MRPS28: variants seen among roughly 807,000 people sequenced by gnomAD.
The protein encoded by MRPS28 is mitochondrial ribosomal protein S28.
MRPS28 carries 7 observed loss-of-function variants against 10.8 expected under a neutral mutation model. The ratio of observed to expected loss-of-function variants is 0.65; its 90% CI spans 0.37 to 1.22. The LOEUF is 1.22. Ranked by LOEUF, MRPS28 falls within the 50% of genes most tolerant of loss-of-function variation. The pLI is 0.02. For missense variants in MRPS28, 265 were observed against 232.9 expected (o/e 1.14, Z -0.90); for synonymous variants, 121 against 93.3 (o/e 1.30, Z -1.71).
At chr8:80,015,212 T>C (rs750177369) in intron 1 of MRPS28, among the ~76,000 whole-genome samples, 1 of 152,228 alleles carries the variant, frequency 6.6e-6, no homozygotes, top group East Asian at 1.9e-4. Flanking sequence ...GACGGCAAGT[T>C]CTGTGGGGAA....
rs1334438942 is a variant in MRPS28, at chr8:79,919,140, T to C, written c.404A>G (p.Gln135Arg). The part of the protein sequence containing the change: ...RRPEVDGEKY[Q>R]KGTRVRLRLL... ...CCGCAACCGGACCCTGGTTCCTTTC[T>C]GGTATTTCCTAAATAGTTAAAAAAA... Residue 135 changes from glutamine (Q) to arginine (R), a missense_variant, in exon 3 of 3, where the codon CAG (glutamine) becomes CGG (arginine). By Grantham distance (43) the Gln-to-Arg change is conservative. Coordinates refer to ENST00000276585, the MANE Select transcript of MRPS28 (RefSeq NM_014018.3). 6.3e-7 allele frequency: 1 copy of C among 1,579,510 alleles called. No homozygotes were observed. The highest frequency in any genetic ancestry group is 8.5e-7 in the Non-Finnish European group (1 of 1,169,736).
At chr8:80,016,472 AAGG>A (rs575720582) in intron 1 of MRPS28, among the ~76,000 whole-genome samples, 7 of 152,090 alleles carry the variant, frequency 4.6e-5, no homozygotes, top group Non-Finnish European at 8.8e-5. Context: ...TTCAAAAATG[AAGG>A]AGAATTAAAG....
At chr8:79,923,091 G>T (rs1173813127) in intron 2 of MRPS28, among the ~76,000 whole-genome samples, 1 of 152,046 alleles carries the variant, frequency 6.6e-6, no homozygotes, top group Non-Finnish European at 1.5e-5. Flanking sequence ...AAATGATGAA[G>T]TCAGTCACAT....
intron 1 of MRPS28, among the ~76,000 whole-genome samples, chr8:80,021,400 T>G (rs1418449104): frequency 6.6e-6 from 1 of 152,198 alleles, no homozygotes; most frequent in African/African-American, 2.4e-5. Flanking sequence ...AATAGTGGTA[T>G]ATCGTGGGAG....
intron 2 of MRPS28, among the ~76,000 whole-genome samples, chr8:79,980,771 T>C (rs1039257556): frequency 2.0e-5 from 3 of 152,224 alleles, no homozygotes; most frequent in Non-Finnish European, 4.4e-5. Flanking sequence ...TTAAAAATTA[T>C]TTTCTCCAAA....
intron 2 of MRPS28, among the ~76,000 whole-genome samples, chr8:79,926,372 T>A (rs566854674): frequency 2.2e-4 from 33 of 152,328 alleles, no homozygotes; most frequent in African/African-American, 7.7e-4. Flanking sequence ...GTACAAGAAA[T>A]CTACCTTTTC....
At chr8:80,011,002 A>G (rs1475340877) in intron 1 of MRPS28, among the ~76,000 whole-genome samples, 1 of 152,244 alleles carries the variant, frequency 6.6e-6, no homozygotes, top group Non-Finnish European at 1.5e-5. Flanking sequence ...AAGCACTTTG[A>G]AAATAGTTCT....
At chr8:79,919,894 C>G (rs1351637529) in intron 2 of MRPS28, among the ~76,000 whole-genome samples, 1 of 151,480 alleles carries the variant, frequency 6.6e-6, no homozygotes, top group East Asian at 1.9e-4. Flanking sequence ...GTGTGCTGCA[C>G]CCATTAACTC....
At chr8:79,986,595 A>G (rs1425471301) in intron 2 of MRPS28, among the ~76,000 whole-genome samples, 3 of 152,218 alleles carry the variant, frequency 2.0e-5, no homozygotes, top group Non-Finnish European at 4.4e-5. Flanking sequence ...TACAAAATCA[A>G]TGTGCAAAAA....
At chr8:80,004,684 C>A (rs567241106) in intron 1 of MRPS28, among the ~76,000 whole-genome samples, 1 of 152,282 alleles carries the variant, frequency 6.6e-6, no homozygotes, top group Non-Finnish European at 1.5e-5. Context: ...GATCAAACTT[C>A]TCTAAGCTAA....
At chr8:79,989,714 G>C (rs1278720871) in intron 2 of MRPS28, among the ~76,000 whole-genome samples, 1 of 152,068 alleles carries the variant, frequency 6.6e-6, no homozygotes, top group African/African-American at 2.4e-5. Context: ...ATTTTGTTTT[G>C]TTTTGTTTTG....
chr8:79,938,090 T>C (rs1397925104), intron 2 of MRPS28, among the ~76,000 whole-genome samples: 1 of 152,164 alleles, frequency 6.6e-6, no homozygotes, highest in Non-Finnish European at 1.5e-5. Flanking sequence ...GTAAACTCAG[T>C]ATGTGAAGAC....
intron 2 of MRPS28, among the ~76,000 whole-genome samples, chr8:79,930,640 T>C (rs1341151791): frequency 6.6e-6 from 1 of 152,192 alleles, no homozygotes; most frequent in Non-Finnish European, 1.5e-5. Context: ...AATGTGTTAC[T>C]TAGAATGTTC....
intron 2 of MRPS28, among the ~76,000 whole-genome samples, chr8:79,974,711 G>A (rs1283453321): frequency 6.6e-6 from 1 of 151,942 alleles, no homozygotes; most frequent in Non-Finnish European, 1.5e-5. Flanking sequence ...AGTTTTTCAA[G>A]GATAAAGCTC....
In MRPS28 at chr8:80,011,134, T is replaced by A. The variant is rs6985342; in HGVS notation, c.214-7954A>T. On this transcript the variant is annotated intron_variant, in intron 1 of 2. Coordinates refer to ENST00000276585, the MANE Select transcript of MRPS28 (RefSeq NM_014018.3). ...AGCCATTCTTTTTTTTTTATTTTTT[T>A]ATTTTTATTTTTTTTTGTAAGCCAT... Among the ~76,000 whole-genome samples, 38 of 146,638 alleles carry A rather than the reference T, an allele frequency of 2.6e-4. 1 individual carries two copies. The highest frequency in any genetic ancestry group is 9.8e-4 in the African/African-American group (37 of 37,714).
intron 2 of MRPS28, among the ~76,000 whole-genome samples, chr8:79,969,679 C>T (rs996347235): frequency 6.6e-6 from 1 of 151,776 alleles, no homozygotes; most frequent in African/African-American, 2.4e-5. Flanking sequence ...AGTCTGAGAC[C>T]AGCCTGGGCA....
intron 2 of MRPS28, among the ~76,000 whole-genome samples, chr8:79,944,625 T>A (rs1806853832): frequency 6.6e-6 from 1 of 152,028 alleles, no homozygotes; most frequent in African/African-American, 2.4e-5. Context: ...CTTAGGTCAA[T>A]GTGGTAGTAG....
At chr8:79,921,789 G>A (rs1489325609) in intron 2 of MRPS28, among the ~76,000 whole-genome samples, 1 of 152,054 alleles carries the variant, frequency 6.6e-6, no homozygotes, top group Non-Finnish European at 1.5e-5. Context: ...TCTCCTGCCT[G>A]ATTGCCCTGG....
intron 1 of MRPS28, among the ~76,000 whole-genome samples, chr8:80,006,798 A>C (rs1289748418): frequency 1.3e-5 from 2 of 152,184 alleles, no homozygotes; most frequent in African/African-American, 4.8e-5. Context: ...CAACCAAAAA[A>C]AGTCCAGGAC....
Sources: gnomAD v4.1 joint callset for allele counts (sites outside exome capture counted in the v4.1 genomes callset) on GRCh38, gnomAD v4.1.1 for gene constraint, MANE v1.5 for transcripts, NCBI Gene and HGNC (gene_info 2026-07-23, HGNC 2026-07-21) for gene names.